TMEM132B: variants seen among roughly 807,000 people sequenced by gnomAD.
TMEM132B encodes transmembrane protein 132B.
Under a neutral mutation model 90.8 loss-of-function variants are expected in TMEM132B, and 18 were observed. That is an observed-to-expected ratio of 0.20 (90% CI 0.14 to 0.29). TMEM132B has a LOEUF of 0.29. Ranked by LOEUF, TMEM132B falls within the 10% of genes least tolerant of loss-of-function variation. The pLI, the probability that TMEM132B is intolerant of heterozygous loss-of-function variation, is 1.00. For missense variants in TMEM132B, 1,096 were observed against 1,326.8 expected, an observed-to-expected ratio of 0.83 and a Z score of 2.70; for synonymous variants, 504 against 523.3, an observed-to-expected ratio of 0.96 and a Z score of 0.50.
intron 2 of TMEM132B, among the ~76,000 whole-genome samples, chr12:125,371,174 T>C (rs1566015925): frequency 1.3e-5 from 2 of 152,316 alleles, no homozygotes; most frequent in South Asian, 4.1e-4. Flanking sequence ...GTCAGCTCCT[T>C]CTACCTTCTG....
chr12:125,295,528 G>GAGAGAGAGAGAGAGACAGAGAC (rs1875649235), intron 1 of TMEM132B, among the ~76,000 whole-genome samples: 2 of 151,162 alleles, frequency 1.3e-5, no homozygotes, highest in African/African-American at 2.4e-5. Flanking sequence ...GAGAGAGAGA[G>GAGAGAGAGAGAGAGACAGAGAC]AGAGAGAGAG....
intron 4 of TMEM132B, among the ~76,000 whole-genome samples, chr12:125,551,570 T>G (rs1884230592): frequency 6.6e-6 from 1 of 151,920 alleles, no homozygotes; most frequent in Non-Finnish European, 1.5e-5. Flanking sequence ...TATTTCTGGT[T>G]TCTTTTCTCC....
chr12:125,485,157 C>T (rs1882168327), intron 3 of TMEM132B, among the ~76,000 whole-genome samples: 2 of 152,186 alleles, frequency 1.3e-5, no homozygotes, highest in South Asian at 4.1e-4. Context: ...ACACCAAAGA[C>T]TTCTTTTTTG....
chr12:125,585,133 A>G (rs1419581375), intron 5 of TMEM132B: 1 of 152,200 alleles, frequency 6.6e-6, no homozygotes, highest in Non-Finnish European at 1.5e-5. Context: ...TTTCGGAAAA[A>G]AAGACTGATG....
chr12:125,387,925 T>C (rs1268723023), intron 2 of TMEM132B, among the ~76,000 whole-genome samples: 1 of 152,112 alleles, frequency 6.6e-6, no homozygotes, highest in Admixed American at 6.5e-5. Flanking sequence ...TCAGTACTGT[T>C]GTGGAATGAT....
chr12:125,452,452 C>T (rs1179556298), intron 3 of TMEM132B, among the ~76,000 whole-genome samples: 1 of 152,234 alleles, frequency 6.6e-6, no homozygotes, highest in Non-Finnish European at 1.5e-5. Context: ...ATCATACTTG[C>T]ATGTGTCTCC....
intron 6 of TMEM132B, among the ~76,000 whole-genome samples, chr12:125,647,661 C>A (rs1468817994): frequency 6.6e-6 from 1 of 152,092 alleles, no homozygotes; most frequent in Non-Finnish European, 1.5e-5. Flanking sequence ...GAGTTTGTTT[C>A]AGGAGACCTA....
chr12:125,300,148 C>T (rs970380339), intron 1 of TMEM132B, among the ~76,000 whole-genome samples: 8 of 152,198 alleles, frequency 5.3e-5, no homozygotes, highest in African/African-American at 1.9e-4. Context: ...CCTAAAGGAA[C>T]CCCTCTCCCT....
At chr12:125,505,706 A>G (rs1447581589) in intron 3 of TMEM132B, among the ~76,000 whole-genome samples, 2 of 152,138 alleles carry the variant, frequency 1.3e-5, no homozygotes, top group African/African-American at 4.8e-5. Flanking sequence ...CTCAGAAAAA[A>G]AAAAAAAAAA....
At chr12:125,606,471 G>A (rs151237688) in intron 5 of TMEM132B, among the ~76,000 whole-genome samples, 1 of 152,328 alleles carries the variant, frequency 6.6e-6, no homozygotes, top group Non-Finnish European at 1.5e-5. Context: ...TAGATAATGT[G>A]GGTGCATGTA....
At chr12:125,542,448 G>A (rs1349411674) in intron 4 of TMEM132B, among the ~76,000 whole-genome samples, 1 of 152,156 alleles carries the variant, frequency 6.6e-6, no homozygotes, top group Non-Finnish European at 1.5e-5. Context: ...CTCCAGGACT[G>A]TTTTCATCTT....
chr12:125,544,416 G>A (rs1426893492), intron 4 of TMEM132B, among the ~76,000 whole-genome samples: 1 of 152,194 alleles, frequency 6.6e-6, no homozygotes, highest in Non-Finnish European at 1.5e-5. Flanking sequence ...CCAGGGAGAT[G>A]AAAGAGGTTT....
chr12:125,303,573 C>T (rs379525), intron 1 of TMEM132B, among the ~76,000 whole-genome samples: 64,924 of 152,050 alleles, frequency 0.43, 14,209 homozygotes, highest in East Asian at 0.54. Context: ...CTGTTTCCTA[C>T]AGCAGCTGCA....
intron 3 of TMEM132B, among the ~76,000 whole-genome samples, chr12:125,434,164 C>A (rs1021975445): frequency 6.6e-6 from 1 of 152,194 alleles, no homozygotes; most frequent in Admixed American, 6.5e-5. Context: ...TGCCCACATT[C>A]CTTGGCGGGT....
intron 3 of TMEM132B, among the ~76,000 whole-genome samples, chr12:125,515,402 TAC>T (rs1566059870): frequency 7.3e-5 from 2 of 27,572 alleles, no homozygotes; most frequent in African/African-American, 4.4e-4. Flanking sequence ...CTCTCACAAA[TAC>T]ATTCAAACAT....
intron 4 of TMEM132B, among the ~76,000 whole-genome samples, chr12:125,546,604 A>G (rs183636641): frequency 6.6e-4 from 101 of 152,236 alleles, no homozygotes; most frequent in African/African-American, 2.4e-3. Flanking sequence ...AAATTCACTT[A>G]TGTTTTTGTG....
intron 4 of TMEM132B, among the ~76,000 whole-genome samples, chr12:125,548,160 CCTGGAAAAAGAGTT>C (rs1884136239): frequency 6.6e-6 from 1 of 152,106 alleles, no homozygotes; most frequent in Non-Finnish European, 1.5e-5. Context: ...ATGGGTCACA[CCTGGAAAAAGAGTT>C]CTGGAGGGTC....
chr12:125,561,740 A>G (rs2345461), intron 4 of TMEM132B, among the ~76,000 whole-genome samples: 141,447 of 151,912 alleles, frequency 0.93, 65,861 homozygotes, highest in Middle Eastern at 0.96. Context: ...GGTCTCAACT[A>G]TGTGGTTGAA....
At chr12:125,194,267 T>C (rs1394673225) in intron 1 of TMEM132B, among the ~76,000 whole-genome samples, 1 of 138,508 alleles carries the variant, frequency 7.2e-6, no homozygotes, top group Non-Finnish European at 1.6e-5. Context: ...AATTAACCCG[T>C]TGGTGGGGGG....
Sources: allele counts gnomAD v4.1 joint callset (sites outside exome capture counted in the v4.1 genomes callset), GRCh38; gene constraint gnomAD v4.1.1; transcripts MANE v1.5; gene names NCBI Gene and HGNC (gene_info 2026-07-23, HGNC 2026-07-21).